DYNC1LI1: variants seen among roughly 807,000 people sequenced by gnomAD.
DYNC1LI1 encodes dynein cytoplasmic 1 light intermediate chain 1.
Under a neutral mutation model 63.8 loss-of-function variants are expected in DYNC1LI1, and 19 were observed. That is an observed-to-expected ratio of 0.30 (90% CI 0.21 to 0.44). The LOEUF is 0.44. Ranked by LOEUF, DYNC1LI1 falls within the 20% of genes least tolerant of loss-of-function variation. The pLI is 1.00. For missense variants in DYNC1LI1, 565 were observed against 630.2 expected, an observed-to-expected ratio of 0.90 and a Z score of 1.11; for synonymous variants, 225 against 232.3, an observed-to-expected ratio of 0.97 and a Z score of 0.28.
chr3:32,564,931 T>C (rs1698238924), intron 2 of DYNC1LI1, among the ~76,000 whole-genome samples: 1 of 152,322 alleles, frequency 6.6e-6, no homozygotes, highest in South Asian at 2.1e-4. Flanking sequence ...CCACTGTGCA[T>C]ATCTTAAGGT....
chr3:32,536,889 C>G lies in DYNC1LI1; in HGVS notation c.832+122G>C, dbSNP rs181822839. On this transcript the variant is annotated intron_variant, in intron 6 of 12. Transcript: ENST00000273130. ...TGGGAACTAAAATGAAATTTCCAAC[C>G]AGAGACAGAAGGAGAAATGTTTACA... The G allele has an allele frequency of 6.2e-4, 351 of 566,766 alleles. 1 individual carries two copies. The highest frequency in any genetic ancestry group is 5.9e-3 in the African/African-American group (293 of 50,074). The allele number at this position is 566,766 out of a possible 1,614,324, so 35.1% of individuals were successfully genotyped here.
chr3:32,554,259 CATG>C (rs1206782184), intron 2 of DYNC1LI1, among the ~76,000 whole-genome samples: 9 of 152,206 alleles, frequency 5.9e-5, no homozygotes, highest in African/African-American at 1.9e-4. Flanking sequence ...TAGAATTTTA[CATG>C]ATGACAGCTA....
intron 2 of DYNC1LI1, among the ~76,000 whole-genome samples, chr3:32,548,038 G>C (rs77453047): frequency 1.3e-5 from 2 of 151,630 alleles, no homozygotes; most frequent in African/African-American, 4.8e-5. Flanking sequence ...ACACATACTC[G>C]CAATGCAATA....
chr3:32,526,606 T>C lies in DYNC1LI1; in HGVS notation c.*193A>G, dbSNP rs1284654216. On this transcript the variant is annotated 3_prime_UTR_variant, in exon 13 of 13. Transcript: ENST00000273130. Reference sequence around the variant, plus strand: ...CAATGCAAACAGCAATCCTACATAATGTAGAATAATTTTTCTTCTGTACGG... The same window carrying C: ...CAATGCAAACAGCAATCCTACATAACGTAGAATAATTTTTCTTCTGTACGG... The C allele has an allele frequency of 1.5e-5, 7 of 456,364 alleles. No individual in the cohort carries two copies. The highest frequency in any genetic ancestry group is 2.8e-5 in the Non-Finnish European group (7 of 251,114). 28.3% of individuals were successfully genotyped at this position (456,364 alleles called of 1,614,324 possible). A position where few individuals can be genotyped will look rare whatever the true frequency, so the allele number is the denominator to read the frequency against.
At position 32,533,109 on chromosome 3, in the gene DYNC1LI1, T is replaced by C. The variant is rs1298686009; in HGVS notation, c.969-12A>G. 1.3e-6 allele frequency: 2 copies of C among 1,584,762 alleles called. No homozygotes were observed. Among genetic ancestry groups the C allele is most frequent in the Non-Finnish European group, 1.7e-6 (2 of 1,172,852 alleles). On this transcript the variant is annotated splice_polypyrimidine_tract_variant and intron_variant, in intron 7 of 12. Coordinates refer to ENST00000273130, the MANE Select transcript of DYNC1LI1 (RefSeq NM_016141.4). ...CCCACCCTGCTGGACTGGAAAGAAA[T>C]ACATATGATAAATTCTCAAGCATTT...
chr3:32,551,922 G>T (rs1272944734), intron 2 of DYNC1LI1, among the ~76,000 whole-genome samples: 2 of 152,082 alleles, frequency 1.3e-5, no homozygotes, highest in Non-Finnish European at 2.9e-5. Context: ...GCAAATCCAG[G>T]ACTTCAATTC....
intron 1 of DYNC1LI1, 72 bp from the exon 2 acceptor site, chr3:32,570,491 G>C: frequency 1.4e-6 from 2 of 1,481,300 alleles, no homozygotes; most frequent in Non-Finnish European, 1.8e-6. Context: ...ACCCGGCCTC[G>C]GCGCGCCGGG....
chr3:32,567,950 C>T (rs1698291678), intron 2 of DYNC1LI1, among the ~76,000 whole-genome samples: 1 of 152,092 alleles, frequency 6.6e-6, no homozygotes, highest in African/African-American at 2.4e-5. Flanking sequence ...GTGATCCGCT[C>T]ACCTAGGCCT....
At chr3:32,545,704 TG>T (rs1697943307) in intron 3 of DYNC1LI1, 144 bp downstream of exon 3, 1 of 689,796 alleles carries the variant, frequency 1.4e-6, no homozygotes, top group East Asian at 2.6e-5. Context: ...AATAAAAGTA[TG>T]GCTAAACATA....
intron 2 of DYNC1LI1, among the ~76,000 whole-genome samples, chr3:32,560,124 G>C (rs1698169679): frequency 6.6e-6 from 1 of 152,126 alleles, no homozygotes; most frequent in African/African-American, 2.4e-5. Context: ...AGAGCGAAAA[G>C]ACAAACCCAA....
chr3:32,537,890 TTATATATATAA>T (rs1381079830), intron 5 of DYNC1LI1, among the ~76,000 whole-genome samples: 1 of 83,344 alleles, frequency 1.2e-5, no homozygotes, highest in African/African-American at 5.2e-5. Context: ...TATATATAAT[TTATATATATAA>T]TATATATATA....
intron 5 of DYNC1LI1, among the ~76,000 whole-genome samples, chr3:32,540,041 A>ATT (rs996371503): frequency 2.0e-4 from 28 of 137,776 alleles, no homozygotes; most frequent in African/African-American, 7.6e-4. Context: ...ATTTTTTTGT[A>ATT]TTTTTTTTTG....
At chr3:32,546,808 G>GA in intron 2 of DYNC1LI1, among the ~76,000 whole-genome samples, 1 of 152,130 alleles carries the variant, frequency 6.6e-6, no homozygotes, top group Non-Finnish European at 1.5e-5. Context: ...GAGATGGTGA[G>GA]AAAATGGGGA....
chr3:32,550,153 C>T (rs1385947027), intron 2 of DYNC1LI1, among the ~76,000 whole-genome samples: 2 of 152,064 alleles, frequency 1.3e-5, no homozygotes, highest in Non-Finnish European at 2.9e-5. Flanking sequence ...TACTATTGGC[C>T]GGGCACAGTG....
chr3:32,530,570 CAATT>C (rs755644381), intron 8 of DYNC1LI1, 50 bp from the exon 9 acceptor site: 5 of 1,434,880 alleles, frequency 3.5e-6, no homozygotes, highest in Admixed American at 1.7e-5. Context: ...TATGCTAACA[CAATT>C]AATAATTTAT....
chr3:32,545,445 T>C (rs1399159816), intron 3 of DYNC1LI1: 2 of 348,886 alleles, frequency 5.7e-6, no homozygotes, highest in Non-Finnish European at 1.0e-5. Flanking sequence ...ATACTCAAGA[T>C]ATCATATACA....
intron 2 of DYNC1LI1, among the ~76,000 whole-genome samples, chr3:32,565,177 C>G (rs966077373): frequency 6.6e-6 from 1 of 152,130 alleles, no homozygotes; most frequent in Non-Finnish European, 1.5e-5. Context: ...TAAAACATTT[C>G]TTTAAAAATA....
At chr3:32,566,069 C>A (rs919318427) in intron 2 of DYNC1LI1, among the ~76,000 whole-genome samples, 1 of 152,066 alleles carries the variant, frequency 6.6e-6, no homozygotes, top group Non-Finnish European at 1.5e-5. Context: ...CCCAGGAGTT[C>A]AAGACCAGCT....
intron 5 of DYNC1LI1, among the ~76,000 whole-genome samples, chr3:32,538,318 A>T (rs1388823281): frequency 6.6e-6 from 1 of 150,780 alleles, no homozygotes; most frequent in African/African-American, 2.4e-5. Context: ...TTTATCAAAT[A>T]CTGACAGTGA....
Sources: allele counts gnomAD v4.1 joint callset (sites outside exome capture counted in the v4.1 genomes callset), GRCh38; gene constraint gnomAD v4.1.1; transcripts MANE v1.5; gene names NCBI Gene and HGNC (gene_info 2026-07-23, HGNC 2026-07-21).